The following SLC9A1 variants were observed in gnomAD, a reference collection of about 807,000 sequenced individuals.
SLC9A1 encodes solute carrier family 9 member A1, also known as sodium/hydrogen exchanger 1.
A neutral mutation model predicts 67.9 loss-of-function variants in SLC9A1; 22 were observed. The observed-to-expected ratio is 0.32, with a 90% CI of 0.23 to 0.46. SLC9A1 has a LOEUF of 0.46. Among genes scored for constraint, SLC9A1 ranks in the 20% least tolerant of loss-of-function variants. The pLI, the probability that SLC9A1 is intolerant of heterozygous loss-of-function variation, is 1.00. For synonymous variants in SLC9A1, 421 were observed against 471.8 expected (o/e 0.89, Z 1.40); for missense variants, 686 against 1,094.8 (o/e 0.63, Z 5.27).
intron 1 of SLC9A1, among the ~76,000 whole-genome samples, chr1:27,119,239 C>T (rs1023528381): frequency 6.6e-6 from 1 of 152,184 alleles, no homozygotes; most frequent in Non-Finnish European, 1.5e-5. Flanking sequence ...GGCTGTCCGA[C>T]ATCACCCTGG....
At chr1:27,103,830 T>C (rs2083165033) in intron 5 of SLC9A1, 2 of 157,784 alleles carry the variant, frequency 1.3e-5, no homozygotes, top group Non-Finnish European at 2.8e-5. Flanking sequence ...TTCCATTGTC[T>C]CTATTTAACA....
rs1268608450 is a variant in SLC9A1 at position 27,104,967 on chromosome 1, G to A, written c.1485+918C>T. 2.6e-5 allele frequency among the ~76,000 whole-genome samples: 4 copies of A among 152,174 alleles called. No homozygotes were observed. In the East Asian group the frequency reaches 5.8e-4, roughly 22 times the overall value. Reference sequence around the variant, plus strand: ...AGTGGCTGTCAGCTAAGCCTGAGCCGTTTAAATGTACAGAAATCACTGAGC... The same window carrying A: ...AGTGGCTGTCAGCTAAGCCTGAGCCATTTAAATGTACAGAAATCACTGAGC... On this transcript the variant is annotated intron_variant, in intron 5 of 11. Transcript: ENST00000263980.
chr1:27,118,147 G>C lies in SLC9A1; in HGVS notation c.353-3861C>G, dbSNP rs2083283805. Reference sequence around the variant, plus strand: ...CCAGAGTACCTGGGGCTGGAGCCATGTTCCTGGAGCTGGTTTCCCTGGCTT... The same window carrying C: ...CCAGAGTACCTGGGGCTGGAGCCATCTTCCTGGAGCTGGTTTCCCTGGCTT... On this transcript the variant is annotated intron_variant, in intron 1 of 11. Transcript: ENST00000263980. The surrounding 1 kb of genome is among the most constrained non-coding windows in gnomAD (Gnocchi z 4.3). Among the ~76,000 whole-genome samples, 1 of 152,208 alleles carries C rather than the reference G, an allele frequency of 6.6e-6. No individual in the cohort carries two copies. Among genetic ancestry groups the C allele is most frequent in the African/African-American group, 2.4e-5 (1 of 41,462 alleles).
intron 1 of SLC9A1, among the ~76,000 whole-genome samples, chr1:27,136,515 A>G (rs1293086549): frequency 7.1e-6 from 1 of 141,706 alleles, no homozygotes; most frequent in Non-Finnish European, 1.6e-5. Flanking sequence ...CCCTCTCCTC[A>G]ACCGAGGATA....
intron 1 of SLC9A1, among the ~76,000 whole-genome samples, chr1:27,152,603 T>C (rs1203036933): frequency 6.6e-6 from 1 of 152,170 alleles, no homozygotes; most frequent in African/African-American, 2.4e-5. Context: ...TCAGTACACA[T>C]GGTTCCCCTT....
intron 1 of SLC9A1, among the ~76,000 whole-genome samples, chr1:27,138,370 A>G (rs1286328996): frequency 6.6e-6 from 1 of 151,962 alleles, no homozygotes; most frequent in Non-Finnish European, 1.5e-5. Context: ...CCTCTCCCTC[A>G]TGTCTGCCTT....
At chr1:27,103,653 G>C (rs2083163544) in intron 5 of SLC9A1, 1 of 330,418 alleles carries the variant, frequency 3.0e-6, no homozygotes, top group African/African-American at 2.1e-5. Flanking sequence ...CCCACACACA[G>C]GGAAAACTAC....
intron 2 of SLC9A1, among the ~76,000 whole-genome samples, chr1:27,111,626 T>C (rs1044508703): frequency 4.1e-5 from 6 of 144,922 alleles, no homozygotes; most frequent in Non-Finnish European, 9.1e-5. Context: ...TGAGACCCCA[T>C]ATCTACAAAA....
chr1:27,142,399 C>T (rs890079093), intron 1 of SLC9A1, among the ~76,000 whole-genome samples: 1 of 152,242 alleles, frequency 6.6e-6, no homozygotes, highest in Non-Finnish European at 1.5e-5. Flanking sequence ...ATTTTTCCAT[C>T]TCTAACATTC....
chr1:27,148,048 A>G (rs2083501659), intron 1 of SLC9A1, among the ~76,000 whole-genome samples: 1 of 152,016 alleles, frequency 6.6e-6, no homozygotes, highest in South Asian at 2.1e-4. Flanking sequence ...TGCCTTGCCT[A>G]AAGTCACACA....
intron 1 of SLC9A1, among the ~76,000 whole-genome samples, chr1:27,131,948 ATATATATATAT>A (rs1217944172): frequency 2.2e-5 from 2 of 91,450 alleles, no homozygotes; most frequent in African/African-American, 9.8e-5. Flanking sequence ...GAAAAAAAAA[ATATATATATAT>A]ATATATATAT....
In SLC9A1 at chr1:27,130,642, C is replaced by T. The variant is rs181850388; in HGVS notation, c.353-16356G>A. The stretch of plus-strand genomic sequence containing the variant: ...CCACTGTGGGAAGGGAGAATTACTA[C>T]GAAGCCCTGTGCCTTCTCATTTAGC... On this transcript the variant is annotated intron_variant, in intron 1 of 11. Transcript: ENST00000263980. Among the ~76,000 whole-genome samples the T allele has an allele frequency of 2.6e-5, 4 of 152,324 alleles. No homozygotes were observed. In the East Asian group the frequency reaches 5.8e-4, roughly 22 times the overall value.
chr1:27,115,092 C>T (rs539869464), intron 1 of SLC9A1, among the ~76,000 whole-genome samples: 49 of 152,338 alleles, frequency 3.2e-4, no homozygotes, highest in Non-Finnish European at 5.9e-4. Flanking sequence ...CAAAGTCACA[C>T]AGCAAGTGGG....
At chr1:27,152,017 G>C (rs1010125117) in intron 1 of SLC9A1, among the ~76,000 whole-genome samples, 2 of 152,222 alleles carry the variant, frequency 1.3e-5, no homozygotes, top group African/African-American at 4.8e-5. Flanking sequence ...ACCTGGAAGG[G>C]ACCACAAAGA....
intron 1 of SLC9A1, among the ~76,000 whole-genome samples, chr1:27,122,511 C>T (rs1465173004): frequency 1.3e-5 from 2 of 152,174 alleles, no homozygotes; most frequent in African/African-American, 2.4e-5. Flanking sequence ...AGGCCTGACC[C>T]GGGCAGATCA....
chr1:27,153,883 G>T, intron 1 of SLC9A1, 100 bp downstream of exon 1: 1 of 784,096 alleles, frequency 1.3e-6, no homozygotes, highest in Non-Finnish European at 2.1e-6. Context: ...TATGGGGGTA[G>T]TTCAGATCCT....
chr1:27,140,308 T>G (rs1056438448), intron 1 of SLC9A1, among the ~76,000 whole-genome samples: 2 of 152,136 alleles, frequency 1.3e-5, no homozygotes, highest in Non-Finnish European at 2.9e-5. Context: ...ACAGTATTTA[T>G]CAGCACGAAT....
intron 4 of SLC9A1, among the ~76,000 whole-genome samples, chr1:27,107,099 C>CCACACA (rs141172880): frequency 7.3e-6 from 1 of 137,890 alleles, no homozygotes; most frequent in Non-Finnish European, 1.6e-5. Flanking sequence ...CCCAGCCCCT[C>CCACACA]CACACACACA....
intron 1 of SLC9A1, among the ~76,000 whole-genome samples, chr1:27,147,605 C>A (rs1345767415): frequency 6.6e-6 from 1 of 152,032 alleles, no homozygotes; most frequent in African/African-American, 2.4e-5. Context: ...GGATTCAAAA[C>A]CAGCCTGGAC....
Sources: allele counts gnomAD v4.1 joint callset (sites outside exome capture counted in the v4.1 genomes callset), GRCh38; gene constraint gnomAD v4.1.1; non-coding constraint Gnocchi (gnomAD v3.1); transcripts MANE v1.5; gene names NCBI Gene and HGNC (gene_info 2026-07-23, HGNC 2026-07-21).